The following IL1RAPL1 variants were observed in gnomAD, a reference collection of about 807,000 sequenced individuals.
IL1RAPL1 encodes the protein interleukin-1 receptor accessory protein-like 1.
Under a neutral mutation model 48.4 loss-of-function variants are expected in IL1RAPL1, and 3 were observed. That is an observed-to-expected ratio of 0.06 (90% CI 0.03 to 0.16). IL1RAPL1 has a LOEUF of 0.16. Ranked by LOEUF, IL1RAPL1 falls within the 10% of genes least tolerant of loss-of-function variation. The pLI is 1.00. For synonymous variants in IL1RAPL1, 185 were observed against 187.7 expected (o/e 0.99, Z 0.12); for missense variants, 349 against 530.6 (o/e 0.66, Z 3.36).
intron 5 of IL1RAPL1, among the ~76,000 whole-genome samples, chrX:29,440,650 C>T (rs1934538215): frequency 8.9e-6 from 1 of 111,993 alleles, no homozygotes. Flanking sequence ...ATTTGAAACA[C>T]AATTACCAAA....
At chrX:29,593,864 C>G (rs1175058106) in intron 5 of IL1RAPL1, among the ~76,000 whole-genome samples, 2 of 112,187 alleles carry the variant, frequency 1.8e-5, no homozygotes, top group Non-Finnish European at 1.9e-5. Context: ...AATTGCACCT[C>G]CTATGTGGTT....
At chrX:29,558,070 T>A (rs1922064329) in intron 5 of IL1RAPL1, among the ~76,000 whole-genome samples, 1 of 111,655 alleles carries the variant, frequency 9.0e-6, no homozygotes, top group Non-Finnish European at 1.9e-5. Flanking sequence ...AGATGCTGAA[T>A]CATATGATAA....
chrX:29,415,236 A>T (rs1367957701), intron 5 of IL1RAPL1, among the ~76,000 whole-genome samples: 1 of 111,137 alleles, frequency 9.0e-6, no homozygotes, highest in East Asian at 2.8e-4. Flanking sequence ...CACCACTAAA[A>T]ACTGTTTAAA....
intron 1 of IL1RAPL1, among the ~76,000 whole-genome samples, chrX:28,729,939 T>G (rs1935733699): frequency 9.0e-6 from 1 of 111,445 alleles, no homozygotes; most frequent in Non-Finnish European, 1.9e-5. Flanking sequence ...GAGCTTGCAG[T>G]GAGCCAAGAT....
chrX:29,185,846 C>CAA (rs35152820), intron 2 of IL1RAPL1, among the ~76,000 whole-genome samples: 1 of 100,494 alleles, frequency 1.0e-5, no homozygotes, highest in Non-Finnish European at 2.0e-5. Flanking sequence ...GTCACAGCAG[C>CAA]AAAAAAAAAA....
chrX:28,977,434 A>T (rs1470366328), intron 2 of IL1RAPL1, among the ~76,000 whole-genome samples: 2 of 111,217 alleles, frequency 1.8e-5, no homozygotes, highest in African/African-American at 6.5e-5. Flanking sequence ...TCTCATAAGA[A>T]CTCACTCACT....
intron 6 of IL1RAPL1, among the ~76,000 whole-genome samples, chrX:29,775,166 C>A (rs1056235766): frequency 1.8e-5 from 2 of 111,455 alleles, no homozygotes; most frequent in East Asian, 5.7e-4. Context: ...TCGTTATATC[C>A]GATTTCACTT....
intron 1 of IL1RAPL1, among the ~76,000 whole-genome samples, chrX:28,682,280 GT>G (rs1244753123): frequency 3.5e-4 from 38 of 108,278 alleles, no homozygotes; most frequent in African/African-American, 6.0e-4. Flanking sequence ...TTTCAATTCT[GT>G]TTTTTTTTGT....
At chrX:29,667,797 T>C (rs1426901279) in intron 5 of IL1RAPL1, among the ~76,000 whole-genome samples, 1 of 112,133 alleles carries the variant, frequency 8.9e-6, no homozygotes, top group Non-Finnish European at 1.9e-5. Flanking sequence ...CAATAAACAC[T>C]ATAAAATGTA....
At chrX:29,108,947 A>C (rs1263688073) in intron 2 of IL1RAPL1, among the ~76,000 whole-genome samples, 2 of 111,436 alleles carry the variant, frequency 1.8e-5, no homozygotes, top group Non-Finnish European at 1.9e-5. Flanking sequence ...AGTTTTCCAG[A>C]GTAAGACATC....
chrX:29,482,646 T>C (rs917619281), intron 5 of IL1RAPL1, among the ~76,000 whole-genome samples: 1 of 112,324 alleles, frequency 8.9e-6, no homozygotes, highest in Non-Finnish European at 1.9e-5. Flanking sequence ...CTGCATAGAA[T>C]TTCATTTTGT....
intron 5 of IL1RAPL1, among the ~76,000 whole-genome samples, chrX:29,411,705 C>CTT (rs35526788): frequency 0.36 from 34,020 of 95,809 alleles, 5,754 homozygotes; most frequent in Middle Eastern, 0.53. Context: ...GAAACAACTA[C>CTT]TTTTTTTTTT....
chrX:29,855,898 C>A (rs1400246978), intron 6 of IL1RAPL1, among the ~76,000 whole-genome samples: 1 of 111,060 alleles, frequency 9.0e-6, no homozygotes, highest in Non-Finnish European at 1.9e-5. Flanking sequence ...TCAGACAGTA[C>A]CTGAGTCTCT....
At chrX:29,082,274 A>G (rs1033689716) in intron 2 of IL1RAPL1, among the ~76,000 whole-genome samples, 14 of 112,428 alleles carry the variant, frequency 1.2e-4, no homozygotes, top group Non-Finnish European at 7.5e-5. Context: ...TGGTATAACC[A>G]TTAGCTTTTG....
chrX:29,308,678 C>T (rs1418977990), intron 3 of IL1RAPL1, among the ~76,000 whole-genome samples: 1 of 112,151 alleles, frequency 8.9e-6, no homozygotes, highest in East Asian at 2.8e-4. Context: ...CACCACATAC[C>T]CGTATATTGC....
In IL1RAPL1 at chrX:28,758,500, T is replaced by G. The variant is rs183470283; in HGVS notation, c.-24-30820T>G. Among the ~76,000 whole-genome samples the G allele has an allele frequency of 3.0e-4, 34 of 111,530 alleles. 1 individual carries two copies. Among genetic ancestry groups the G allele is most frequent in the Non-Finnish European group, 1.7e-4 (9 of 53,109 alleles). ...ACATGTAGTTGAATAGAGCTACTTT[T>G]GAAAGATATCAAAGGTATTCAGTTC... On this transcript the variant is annotated intron_variant, in intron 1 of 10. Coordinates refer to ENST00000378993, the MANE Select transcript of IL1RAPL1 (RefSeq NM_014271.4).
Position 29,188,524 on chromosome X carries a change from A to AT in IL1RAPL1, c.83-94408dup, listed in dbSNP as rs759624403. On this transcript the variant is annotated intron_variant, in intron 2 of 10. Coordinates refer to ENST00000378993, the MANE Select transcript of IL1RAPL1 (RefSeq NM_014271.4). ...AAAGAAGGATGCAGCAAAATTAAAT[A>AT]TTTTTTCAAAATTGAAAGAGCTTAA... Among the ~76,000 whole-genome samples, 14 of 108,208 alleles carry AT rather than the reference A, an allele frequency of 1.3e-4. No homozygotes were observed. The South Asian group carries it at 5.6e-3, about 43-fold the overall frequency. 94.0% of individuals were successfully genotyped at this position (108,208 alleles called of 115,157 possible). A position where few individuals can be genotyped will look rare whatever the true frequency, so the allele number is the denominator to read the frequency against.
At chrX:29,478,610 T>C (rs1229216893) in intron 5 of IL1RAPL1, among the ~76,000 whole-genome samples, 2 of 111,270 alleles carry the variant, frequency 1.8e-5, no homozygotes, top group Non-Finnish European at 3.8e-5. Context: ...CTTATTACCG[T>C]GGTCTTGGAG....
intron 2 of IL1RAPL1, among the ~76,000 whole-genome samples, chrX:29,026,421 G>T (rs1926487122): frequency 9.0e-6 from 1 of 110,886 alleles, no homozygotes; most frequent in East Asian, 2.8e-4. Context: ...GTTGGGTGGT[G>T]GGGGGTGAGG....
Sources: allele counts gnomAD v4.1 joint callset (sites outside exome capture counted in the v4.1 genomes callset), GRCh38; gene constraint gnomAD v4.1.1; transcripts MANE v1.5; gene names NCBI Gene and HGNC (gene_info 2026-07-23, HGNC 2026-07-21).